The following ZNF521 variants were observed in gnomAD, a reference collection of about 807,000 sequenced individuals.
The protein encoded by ZNF521 is zinc finger protein 521.
Under a neutral mutation model 105.5 loss-of-function variants are expected in ZNF521, and 14 were observed. The observed-to-expected ratio is 0.13, with a 90% CI of 0.09 to 0.21. The LOEUF (loss-of-function observed/expected upper bound fraction) is 0.21, where lower values mean the gene tolerates loss of function less well. Ranked by LOEUF, ZNF521 falls within the 10% of genes least tolerant of loss-of-function variation. The pLI is 1.00. For missense variants in ZNF521, 1,233 were observed against 1,629.7 expected (o/e 0.76, Z 4.19); for synonymous variants, 635 against 606.0 (o/e 1.05, Z -0.70).
intron 3 of ZNF521, among the ~76,000 whole-genome samples, chr18:25,266,384 TG>T (rs575167161): frequency 8.4e-4 from 128 of 152,344 alleles, no homozygotes; most frequent in African/African-American, 2.9e-3. Flanking sequence ...AGTTTTCCAC[TG>T]ACTTGTGAAT....
chr18:25,290,355 T>C (rs1366408285), intron 3 of ZNF521, among the ~76,000 whole-genome samples: 1 of 152,172 alleles, frequency 6.6e-6, no homozygotes, highest in Non-Finnish European at 1.5e-5. Context: ...TCTAGGTGAT[T>C]ATGAACACCT....
chr18:25,209,206 A>C (rs2036134474), intron 4 of ZNF521, among the ~76,000 whole-genome samples: 2 of 151,576 alleles, frequency 1.3e-5, no homozygotes, highest in Admixed American at 1.3e-4. Context: ...ATCTTGGCTC[A>C]CTGCAACCTC....
intron 2 of ZNF521, among the ~76,000 whole-genome samples, chr18:25,333,009 C>T (rs1254053306): frequency 6.6e-6 from 1 of 151,834 alleles, no homozygotes; most frequent in Non-Finnish European, 1.5e-5. Flanking sequence ...AATGTGACCA[C>T]ATATTATATA....
chr18:25,313,298 C>T (rs1054889594), intron 3 of ZNF521, among the ~76,000 whole-genome samples: 1 of 151,994 alleles, frequency 6.6e-6, no homozygotes, highest in Non-Finnish European at 1.5e-5. Flanking sequence ...CATGCAAAAT[C>T]CTCAGATTTT....
At chr18:25,294,021 G>T (rs764364334) in intron 3 of ZNF521, among the ~76,000 whole-genome samples, 1 of 152,028 alleles carries the variant, frequency 6.6e-6, no homozygotes, top group Admixed American at 6.6e-5. Flanking sequence ...AATCTTAAAA[G>T]GTTCATTTTT....
chr18:25,064,766 G>A (rs1157982511), intron 7 of ZNF521, among the ~76,000 whole-genome samples: 1 of 152,182 alleles, frequency 6.6e-6, no homozygotes, highest in Non-Finnish European at 1.5e-5. Flanking sequence ...TGGGAGCCTT[G>A]TGAAGAGGAC....
chr18:25,345,223 A>T (rs1914409923), intron 2 of ZNF521: 1 of 152,232 alleles, frequency 6.6e-6, no homozygotes, highest in Non-Finnish European at 1.5e-5. Context: ...AGACCAAATA[A>T]GCAAGTACAA....
chr18:25,306,997 C>T (rs1027587812), intron 3 of ZNF521, among the ~76,000 whole-genome samples: 7 of 152,174 alleles, frequency 4.6e-5, no homozygotes, highest in African/African-American at 1.4e-4. Flanking sequence ...TTCTAACTTC[C>T]AAACCTGCTT....
At chr18:25,292,298 C>T (rs1911075795) in intron 3 of ZNF521, among the ~76,000 whole-genome samples, 1 of 151,170 alleles carries the variant, frequency 6.6e-6, no homozygotes. Flanking sequence ...AAAAAAATGT[C>T]TAATTTCATT....
chr18:25,272,165 C>A (rs906605243), intron 3 of ZNF521, among the ~76,000 whole-genome samples: 3 of 152,116 alleles, frequency 2.0e-5, no homozygotes, highest in Non-Finnish European at 4.4e-5. Context: ...AAAAAAAGTT[C>A]ATCATCACTG....
chr18:25,199,586 G>A (rs1438401000), intron 4 of ZNF521, among the ~76,000 whole-genome samples: 1 of 151,916 alleles, frequency 6.6e-6, no homozygotes, highest in East Asian at 1.9e-4. Flanking sequence ...ACTTTCAAAA[G>A]TTTCAAGAAA....
At chr18:25,256,932 T>C (rs1269377545) in intron 3 of ZNF521, among the ~76,000 whole-genome samples, 1 of 151,898 alleles carries the variant, frequency 6.6e-6, no homozygotes, top group African/African-American at 2.4e-5. Flanking sequence ...AAGACGGCCA[T>C]GGCAAAAAAT....
intron 5 of ZNF521, among the ~76,000 whole-genome samples, chr18:25,107,674 G>C (rs80295701): frequency 0.09 from 13,766 of 152,196 alleles, 815 homozygotes; most frequent in Non-Finnish European, 0.13. Context: ...TGCAGACTGC[G>C]GTAATAATTC....
At chr18:25,169,018 G>A (rs556491731) in intron 5 of ZNF521, among the ~76,000 whole-genome samples, 44 of 151,904 alleles carry the variant, frequency 2.9e-4, no homozygotes, top group Non-Finnish European at 5.7e-4. Context: ...ACTGTAACAG[G>A]TAATAGTTTC....
chr18:25,221,760 A>G (rs1905740207), intron 4 of ZNF521, among the ~76,000 whole-genome samples: 1 of 152,220 alleles, frequency 6.6e-6, no homozygotes, highest in Admixed American at 6.5e-5. Flanking sequence ...AAAAATGCAC[A>G]AACTCCTCAA....
intron 5 of ZNF521, among the ~76,000 whole-genome samples, chr18:25,191,355 A>AAC (rs2035814969): frequency 6.6e-6 from 1 of 152,140 alleles, no homozygotes; most frequent in Non-Finnish European, 1.5e-5. Flanking sequence ...GTCCATAACT[A>AAC]TAGTAATCAA....
intron 3 of ZNF521, among the ~76,000 whole-genome samples, chr18:25,249,363 T>G (rs934990233): frequency 6.6e-6 from 1 of 151,974 alleles, no homozygotes; most frequent in African/African-American, 2.4e-5. Context: ...TTCACTGTGT[T>G]AGCCAGGATG....
At chr18:25,311,726 C>T (rs1271262157) in intron 3 of ZNF521, among the ~76,000 whole-genome samples, 1 of 152,160 alleles carries the variant, frequency 6.6e-6, no homozygotes, top group African/African-American at 2.4e-5. Context: ...TCTCCCATGG[C>T]TTGTGTTCTT....
intron 3 of ZNF521, among the ~76,000 whole-genome samples, chr18:25,239,102 G>C (rs1907128613): frequency 6.6e-6 from 1 of 152,116 alleles, no homozygotes; most frequent in Admixed American, 6.5e-5. Context: ...GTTCTTCCAA[G>C]AAGCAGCTTT....
Sources: allele counts gnomAD v4.1 joint callset (sites outside exome capture counted in the v4.1 genomes callset), GRCh38; gene constraint gnomAD v4.1.1; transcripts MANE v1.5; gene names NCBI Gene and HGNC (gene_info 2026-07-23, HGNC 2026-07-21).